Variants in PCDH18 observed in about 807,000 individuals in gnomAD.
The protein encoded by PCDH18 is protocadherin-18.
PCDH18 carries 38 observed loss-of-function variants against 71.5 expected under a neutral mutation model. The observed-to-expected ratio is 0.53, with a 90% confidence interval of 0.41 to 0.70. The LOEUF is 0.70. Among genes scored for constraint, PCDH18 ranks in the 30% least tolerant of loss-of-function variants. The pLI is 0.00. For missense variants in PCDH18, 1,334 were observed against 1,384.6 expected, an observed-to-expected ratio of 0.96 and a Z score of 0.58; for synonymous variants, 565 against 505.4, an observed-to-expected ratio of 1.12 and a Z score of -1.58.
chr4:137,528,879 T>C, intron 1 of PCDH18, 59 bp from the exon 2 acceptor site: 1 of 1,140,706 alleles, frequency 8.8e-7, no homozygotes, highest in Non-Finnish European at 1.3e-6. Flanking sequence ...ACTCACAATC[T>C]TTAAGCAAGA....
rs537883434 is a variant in PCDH18 at position 137,531,277 on chromosome 4, G to A, written c.812C>T (p.Thr271Met). Residue 271 changes from threonine (T) to methionine (M), a missense_variant, in exon 1 of 4, where the codon ACG becomes ATG. Around this residue, in one of 3 missense-constraint regions of PCDH18, gnomAD observed 1,011 missense variants for 1,048.0 expected, o/e 0.96. Coordinates refer to ENST00000344876, the MANE Select transcript of PCDH18 (RefSeq NM_019035.5). Reference sequence around the variant, plus strand: ...CCCATTAGCGCCCTCATCTGGATCCGTGGCATTCAGATCTAAGAGCAAAGT... The same window carrying A: ...CCCATTAGCGCCCTCATCTGGATCCATGGCATTCAGATCTAAGAGCAAAGT... ...VGTLLLDLNA[T>M]DPDEGANGKI... 3 of 1,613,714 alleles carry A rather than the reference G, an allele frequency of 1.9e-6. No homozygotes were observed. The highest frequency in any genetic ancestry group is 1.3e-5 in the African/African-American group (1 of 75,024).
rs1174326545 is a variant in PCDH18 at position 137,530,183 on chromosome 4, A to C, written c.1906T>G (p.Cys636Gly). ...ATGCTAACGTTGGTATGGATGTCAC[A>C]TGATCGTGGATCAATTATGAAGATA... ...ENIFIIDPRSCDIHTNVSMDS... is the reference protein window; with the variant it reads ...ENIFIIDPRSGDIHTNVSMDS... Residue 636 changes from cysteine to glycine, a missense_variant, in exon 1 of 4, where the codon TGT becomes GGT. By Grantham distance (159) the Cys-to-Gly change is radical. Coordinates refer to ENST00000344876, the MANE Select transcript of PCDH18 (RefSeq NM_019035.5). The C allele has an allele frequency of 4.3e-6, 7 of 1,613,578 alleles. No individual in the cohort carries two copies. The African/African-American group carries it at 9.4e-5, about 22-fold the overall frequency.
rs1731308886 is a variant in PCDH18, at chr4:137,521,707, G to A, written c.2741-11C>T. On this transcript the variant is annotated splice_polypyrimidine_tract_variant and intron_variant, in intron 3 of 3. Transcript: ENST00000344876. ...TGCAGAGTCTCATAGCTGCACTCAA[G>A]AAAAACAGTGGGGATTCATTATTAT... The A allele has an allele frequency of 1.3e-6, 2 of 1,577,044 alleles. No individual in the cohort carries two copies. The highest frequency in any genetic ancestry group is 3.5e-5 in the Admixed American group (2 of 57,592).
rs1263090451 is a variant in PCDH18 at position 137,521,098 on chromosome 4, G to A, written c.3339C>T (p.His1113=). Residue 1113 remains histidine, a synonymous_variant, in exon 4 of 4, where the codon CAC becomes CAT. Transcript: ENST00000344876. ...CCAGTTCACTGGCATCCATGAGTTC[G>A]TGTTTCCCATCATTGAGGTGGTTGA... is the stretch of plus-strand genomic sequence containing the variant. ...NVLNHLNDGK[H]ELMDASELVA... The A allele has an allele frequency of 1.2e-6, 2 of 1,613,634 alleles. No individual in the cohort carries two copies. The highest frequency in any genetic ancestry group is 1.1e-5 in the South Asian group (1 of 91,046).
chr4:137,519,875 A>G lies in PCDH18; in HGVS notation c.*1154T>C, dbSNP rs1475745860. The stretch of plus-strand genomic sequence containing the variant: ...CACACAGAGAGATCACAGCACAATA[A>G]ATAAAGGATTTCTCATTTGCCACAC... On this transcript the variant is annotated 3_prime_UTR_variant, in exon 4 of 4. Coordinates refer to ENST00000344876, the MANE Select transcript of PCDH18 (RefSeq NM_019035.5). 1 of 152,606 alleles carries G rather than the reference A, an allele frequency of 6.6e-6. No individual in the cohort carries two copies. Among genetic ancestry groups the G allele is most frequent in the Non-Finnish European group, 1.5e-5 (1 of 68,034 alleles). 9.5% of individuals were successfully genotyped at this position (152,606 alleles called of 1,614,324 possible).
rs756843423 is a variant in PCDH18 at position 137,532,257 on chromosome 4, T to C, written c.-169A>G. 1.1e-4 allele frequency: 75 copies of C among 710,200 alleles called. No individual in the cohort carries two copies. The highest frequency in any genetic ancestry group is 1.8e-4 in the Non-Finnish European group (69 of 390,356). The allele number at this position is 710,200 out of a possible 1,614,324, so 44.0% of individuals were successfully genotyped here. A position where few individuals can be genotyped will look rare whatever the true frequency, so the allele number is the denominator to read the frequency against. On this transcript the variant is annotated 5_prime_UTR_variant, in exon 1 of 4. Coordinates refer to ENST00000344876, the MANE Select transcript of PCDH18 (RefSeq NM_019035.5). ...GCAAACTTTTGTTTTATACACACCG[T>C]GTCACGACTTCCAGATACCTTCGGC...
At chr4:137,525,177 A>G (rs1272856490) in intron 3 of PCDH18, among the ~76,000 whole-genome samples, 1 of 152,148 alleles carries the variant, frequency 6.6e-6, no homozygotes, top group Non-Finnish European at 1.5e-5. Flanking sequence ...TCAAAGTTGA[A>G]TGAGTAAGAA....
At chr4:137,527,785 A>T (rs1468443258) in intron 3 of PCDH18, among the ~76,000 whole-genome samples, 1 of 152,164 alleles carries the variant, frequency 6.6e-6, no homozygotes, top group Non-Finnish European at 1.5e-5. Context: ...CAGTTCAGAG[A>T]GTTCCTATTG....
intron 3 of PCDH18, among the ~76,000 whole-genome samples, chr4:137,525,359 C>T (rs2149213304): frequency 6.6e-6 from 1 of 152,202 alleles, no homozygotes; most frequent in Non-Finnish European, 1.5e-5. Context: ...GGCAGAAAAA[C>T]AGTTGGAACA....
rs764705979 is a variant in PCDH18 at position 137,530,544 on chromosome 4, A to T, written c.1545T>A (p.Thr515=). The T allele has an allele frequency of 3.3e-5, 53 of 1,613,882 alleles. No individual in the cohort carries two copies. The part of the protein sequence containing the change: ...LESFILGSSI[T]TYVTIDPSNG... ...TAGATGGGTCAATGGTTACATATGTAGTTATGGAACTTCCTAGAATAAAAC... is the reference window on the plus strand; with the variant it reads ...TAGATGGGTCAATGGTTACATATGTTGTTATGGAACTTCCTAGAATAAAAC... Residue 515 remains threonine (T), a synonymous_variant, in exon 1 of 4, where the codon ACT becomes ACA. Coordinates refer to ENST00000344876, the MANE Select transcript of PCDH18 (RefSeq NM_019035.5).
chr4:137,530,364 C>A lies in PCDH18; in HGVS notation c.1725G>T (p.Val575=), dbSNP rs1731634514. The change falls in exon 1 of 4, where the codon GTG becomes GTT. Residue 575 remains valine (V), a synonymous_variant. Coordinates refer to ENST00000344876, the MANE Select transcript of PCDH18 (RefSeq NM_019035.5). ...TATTACGCAATGCAGGCCCTATAAC[C>A]ACAGGAACGTTGTCATTTTCGTCAA... ...TIIDENDNVP[V]VIGPALRNNT... 1 of 1,613,958 alleles carries A rather than the reference C, an allele frequency of 6.2e-7. No individual in the cohort carries two copies. Among genetic ancestry groups the A allele is most frequent in the African/African-American group, 1.3e-5 (1 of 74,904 alleles).
Position 137,532,110 on chromosome 4 carries a change from C to G in PCDH18, c.-22G>C. ...GCATTGGTCAGTTTATGAGATTTCC[C>G]TCACAGAGCAAGTTAAAACAGCAAA... On this transcript the variant is annotated 5_prime_UTR_variant, in exon 1 of 4. Transcript: ENST00000344876. 6.3e-7 allele frequency: 1 copy of G among 1,583,476 alleles called. No individual in the cohort carries two copies. Among genetic ancestry groups the G allele is most frequent in the Non-Finnish European group, 8.7e-7 (1 of 1,154,682 alleles).
rs1731251671 is a variant in PCDH18, at chr4:137,520,311, C to T, written c.*718G>A. 1 of 152,158 alleles carries T rather than the reference C, an allele frequency of 6.6e-6. No homozygotes were observed. The highest frequency in any genetic ancestry group is 2.4e-5 in the African/African-American group (1 of 41,432). The allele number at this position is 152,158 out of a possible 1,614,324, so 9.4% of individuals were successfully genotyped here. A position where few individuals can be genotyped will look rare whatever the true frequency, so the allele number is the denominator to read the frequency against. On this transcript the variant is annotated 3_prime_UTR_variant, in exon 4 of 4. Transcript: ENST00000344876. ...AATAATATTGTGAGAGAAATATTCTCCGGAACAGGCCAGTGTGATGGCCTG... is the reference window on the plus strand; with the variant it reads ...AATAATATTGTGAGAGAAATATTCTTCGGAACAGGCCAGTGTGATGGCCTG...
chr4:137,526,026 A>T (rs1365926285), intron 3 of PCDH18, among the ~76,000 whole-genome samples: 3 of 151,706 alleles, frequency 2.0e-5, no homozygotes, highest in Non-Finnish European at 4.4e-5. Context: ...TTATTCCTTA[A>T]CATCTATTAT....
At chr4:137,528,933 TC>T in intron 1 of PCDH18, 113 bp from the exon 2 acceptor site, 1 of 793,098 alleles carries the variant, frequency 1.3e-6, no homozygotes, top group Admixed American at 2.1e-5. Flanking sequence ...GAATATATTC[TC>T]TCTATTTAAA....
intron 3 of PCDH18, among the ~76,000 whole-genome samples, chr4:137,526,104 G>A (rs905099522): frequency 4.6e-5 from 7 of 151,410 alleles, no homozygotes; most frequent in East Asian, 1.9e-4. Context: ...ACAAACTTAC[G>A]TGGAGGTGGC....
In PCDH18 at chr4:137,521,674, C is replaced by T. The variant is rs542493583; in HGVS notation, c.2763G>A (p.Glu921=). Reference sequence around the variant, plus strand: ...GGTCAGAGTGTCCCAGGACCCTGCACTCCTCCGTGCAGAGTCTCATAGCTG... The same window carrying T: ...GGTCAGAGTGTCCCAGGACCCTGCATTCCTCCGTGCAGAGTCTCATAGCTG... The part of the protein sequence containing the change: ...IPAAMRLCTE[E]CRVLGHSDQC... The change falls in exon 4 of 4, where the codon GAG becomes GAA. Residue 921 remains glutamate (E), a synonymous_variant. Transcript: ENST00000344876. 5 of 1,607,896 alleles carry T rather than the reference C, an allele frequency of 3.1e-6. No homozygotes were observed. The highest frequency in any genetic ancestry group is 2.7e-5 in the African/African-American group (2 of 74,996).
At chr4:137,529,303 G>A in intron 1 of PCDH18, 1 of 294,358 alleles carries the variant, frequency 3.4e-6, no homozygotes, top group Non-Finnish European at 6.3e-6. Flanking sequence ...CTACTTTTTG[G>A]CTTCCCATTA....
Position 137,520,981 on chromosome 4 carries a change from T to C in PCDH18, c.*48A>G. On this transcript the variant is annotated 3_prime_UTR_variant, in exon 4 of 4. Coordinates refer to ENST00000344876, the MANE Select transcript of PCDH18 (RefSeq NM_019035.5). ...TCAGGGTTTTTTGTTGTTGTTGTTG[T>C]TCCCTATTTCCATATACATGGAAAC... 2 of 1,320,950 alleles carry C rather than the reference T, an allele frequency of 1.5e-6. No homozygotes were observed. Among genetic ancestry groups the C allele is most frequent in the East Asian group, 4.6e-5 (2 of 43,026 alleles). 81.8% of individuals were successfully genotyped at this position (1,320,950 alleles called of 1,614,324 possible).
Sources: gnomAD v4.1 joint callset for allele counts (sites outside exome capture counted in the v4.1 genomes callset) on GRCh38, gnomAD v4.1.1 for gene constraint, gnomAD v4.1.1 regional missense constraint, MANE v1.5 for transcripts, NCBI Gene and HGNC (gene_info 2026-07-23, HGNC 2026-07-21) for gene names.